The following EP300 variants were observed in gnomAD, a reference collection of about 807,000 sequenced individuals.
EP300 encodes the protein histone acetyltransferase p300.
A neutral mutation model predicts 264.0 loss-of-function variants in EP300; 31 were observed. The ratio of observed to expected loss-of-function variants is 0.12; its 90% CI spans 0.09 to 0.16. The LOEUF (loss-of-function observed/expected upper bound fraction) is 0.16. Among genes scored for constraint, EP300 ranks in the 10% least tolerant of loss-of-function variants. The probability of loss-of-function intolerance (pLI) is 1.00; values close to 1 mark genes in which losing one functional copy is unlikely to be tolerated. For synonymous variants in EP300, 1,340 were observed against 1,045.4 expected, an observed-to-expected ratio of 1.28 and a Z score of -5.44; for missense variants, 2,766 against 3,052.9, an observed-to-expected ratio of 0.91 and a Z score of 2.21.
intron 1 of EP300, among the ~76,000 whole-genome samples, chr22:41,109,774 T>C (rs1277709429): frequency 1.3e-5 from 2 of 150,894 alleles, no homozygotes; most frequent in East Asian, 3.9e-4. Context: ...TTTTTGGAGC[T>C]TCTGAGACCC....
Position 41,126,055 on chromosome 22 carries a change from A to G in EP300, c.906+15A>G, listed in dbSNP as rs1204163212. Reference sequence around the variant, plus strand: ...TGCCCAACATGGTGAGTACTAATCCATTACAGACTTGTTTTCAAACTGGCA... The same window carrying G: ...TGCCCAACATGGTGAGTACTAATCCGTTACAGACTTGTTTTCAAACTGGCA... On this transcript the variant is annotated intron_variant, in intron 3 of 30. Coordinates refer to ENST00000263253, the MANE Select transcript of EP300 (RefSeq NM_001429.4). The G allele has an allele frequency of 6.2e-7, 1 of 1,613,340 alleles. No homozygotes were observed. Among genetic ancestry groups the G allele is most frequent in the South Asian group, 1.1e-5 (1 of 91,056 alleles).
chr22:41,146,947 G>T (rs573709254), intron 11 of EP300, 131 bp downstream of exon 11: 33 of 804,630 alleles, frequency 4.1e-5, no homozygotes, highest in South Asian at 4.0e-4. Flanking sequence ...GGAAGAGGGG[G>T]TGAAGAGCAG....
At chr22:41,140,001 A>C (rs536194291) in intron 8 of EP300, 139 bp from the exon 9 acceptor site, 48 of 681,850 alleles carry the variant, frequency 7.0e-5, no homozygotes, top group Non-Finnish European at 1.2e-4. Flanking sequence ...TCACAAAAAG[A>C]TAATTTCATT....
At chr22:41,167,833 T>G (rs1214317755) in intron 23 of EP300, among the ~76,000 whole-genome samples, 8 of 82,614 alleles carry the variant, frequency 9.7e-5, no homozygotes, top group South Asian at 4.5e-4. Flanking sequence ...TTTGTTTTTT[T>G]TTTTTTTTTT....
rs779923623 is a variant in EP300, at chr22:41,178,158, A to G, written c.6447A>G (p.Gln2149=). 4 of 1,613,990 alleles carry G rather than the reference A, an allele frequency of 2.5e-6. No homozygotes were observed. The highest frequency in any genetic ancestry group is 1.6e-4 in the Middle Eastern group (1 of 6,062). ...GVQRAGLPQQ[Q]PQQQLQPPMG... is the part of the protein sequence containing the mutation. ...AGAGGGCTGGCCTGCCCCAGCAGCA[A>G]CCACAGCAGCAACTCCAGCCACCCA... is the stretch of plus-strand genomic sequence containing the variant. The change falls in exon 31 of 31, where the codon CAA becomes CAG. Residue 2149 remains glutamine (Q), a synonymous_variant. Transcript: ENST00000263253.
In EP300 at chr22:41,149,987, T is replaced by C; in HGVS notation, c.2606T>C (p.Met869Thr). The C allele has an allele frequency of 6.2e-7, 1 of 1,613,816 alleles. No homozygotes were observed. The highest frequency in any genetic ancestry group is 8.5e-7 in the Non-Finnish European group (1 of 1,179,990). The part of the protein sequence containing the change: ...IPAPVPTPPA[M>T]PPGPQSQALH... ...GCCCCTGTTCCTACACCTCCTGCCA[T>C]GCCACCTGGGCCACAGTCCCAGGCT... Residue 869 changes from methionine to threonine, a missense_variant, in exon 14 of 31, where the codon ATG becomes ACG. Met to Thr is a moderately conservative substitution (Grantham distance 81). Coordinates refer to ENST00000263253, the MANE Select transcript of EP300 (RefSeq NM_001429.4).
chr22:41,139,018 C>T (rs1184650996), intron 8 of EP300, among the ~76,000 whole-genome samples: 1 of 152,002 alleles, frequency 6.6e-6, no homozygotes, highest in Non-Finnish European at 1.5e-5. Context: ...GTCGTGATCT[C>T]GGCTGGCTAC....
intron 1 of EP300, among the ~76,000 whole-genome samples, chr22:41,110,306 T>TA (rs2058782713): frequency 8.8e-6 from 1 of 114,110 alleles, no homozygotes; most frequent in Non-Finnish European, 1.8e-5. Flanking sequence ...TTTTTTTTTT[T>TA]TTTTTTTTTT....
intron 29 of EP300, chr22:41,174,596 C>G (rs540200803): frequency 6.6e-6 from 1 of 151,188 alleles, no homozygotes; most frequent in African/African-American, 2.4e-5. Flanking sequence ...TTTTTTCTCT[C>G]TTTAATATCA....
chr22:41,100,155 G>A (rs563557919), intron 1 of EP300, among the ~76,000 whole-genome samples: 1 of 152,258 alleles, frequency 6.6e-6, no homozygotes, highest in South Asian at 2.1e-4. Context: ...GATCTCTTGA[G>A]CCCAGGAGTT....
At chr22:41,154,003 G>GTT (rs1206442596) in intron 16 of EP300, among the ~76,000 whole-genome samples, 2 of 152,128 alleles carry the variant, frequency 1.3e-5, no homozygotes, top group African/African-American at 4.8e-5. Context: ...GCTTCTCAAA[G>GTT]AACTGTTTGA....
intron 16 of EP300, among the ~76,000 whole-genome samples, chr22:41,154,766 A>G (rs1453094439): frequency 6.6e-6 from 1 of 152,172 alleles, no homozygotes; most frequent in Non-Finnish European, 1.5e-5. Context: ...CTGAGGGTGA[A>G]GAGTGTTTTA....
chr22:41,150,696 C>T (rs1001848439), intron 14 of EP300, among the ~76,000 whole-genome samples: 2 of 151,940 alleles, frequency 1.3e-5, no homozygotes, highest in African/African-American at 4.8e-5. Context: ...CAAGACCAGC[C>T]TGGCCAACAT....
chr22:41,130,011 A>G lies in EP300; in HGVS notation c.1282+8A>G. ...ATAAGAGAAATCAACAGCGTAAGTG[A>G]TGAAATCTTTTGAAGGTTTATATGA... On this transcript the variant is annotated splice_region_variant and intron_variant, in intron 5 of 30. Transcript: ENST00000263253. 6.2e-7 allele frequency: 1 copy of G among 1,602,466 alleles called. No individual in the cohort carries two copies. Among genetic ancestry groups the G allele is most frequent in the South Asian group, 1.1e-5 (1 of 90,876 alleles).
intron 29 of EP300, 37 bp from the exon 30 acceptor site, chr22:41,176,210 G>A: frequency 6.2e-7 from 1 of 1,612,756 alleles, no homozygotes; most frequent in Non-Finnish European, 8.5e-7. Context: ...ACAGAGCGAG[G>A]CCCTGTCTCA....
Position 41,179,954 on chromosome 22 carries a change from C to T in EP300, c.*998C>T, listed in dbSNP as rs2059234121. ...ATAAAACTTGAAAATAGCAAAAACC[C>T]TCAACTGTTGTAAATCATGCAATTA... On this transcript the variant is annotated 3_prime_UTR_variant, in exon 31 of 31. Transcript: ENST00000263253. The T allele has an allele frequency of 4.5e-6, 1 of 221,558 alleles. No homozygotes were observed. The highest frequency in any genetic ancestry group is 2.2e-5 in the African/African-American group (1 of 44,788). 13.7% of individuals were successfully genotyped at this position (221,558 alleles called of 1,614,324 possible).
rs899706930 is a variant in EP300, at chr22:41,179,959, C to A, written c.*1003C>A. On this transcript the variant is annotated 3_prime_UTR_variant, in exon 31 of 31. Coordinates refer to ENST00000263253, the MANE Select transcript of EP300 (RefSeq NM_001429.4). The stretch of plus-strand genomic sequence containing the variant: ...ACTTGAAAATAGCAAAAACCCTCAA[C>A]TGTTGTAAATCATGCAATTAAAGTT... The A allele has an allele frequency of 9.1e-6, 2 of 220,130 alleles. No homozygotes were observed. Among genetic ancestry groups the A allele is most frequent in the Non-Finnish European group, 1.8e-5 (2 of 110,920 alleles). 13.6% of individuals were successfully genotyped at this position (220,130 alleles called of 1,614,324 possible).
intron 6 of EP300, among the ~76,000 whole-genome samples, chr22:41,134,637 G>T (rs942614361): frequency 6.6e-6 from 1 of 151,962 alleles, no homozygotes; most frequent in African/African-American, 2.4e-5. Context: ...TCAAGTGATC[G>T]CCTGCCTCGA....
chr22:41,177,868 A>C lies in EP300; in HGVS notation c.6157A>C (p.Asn2053His). 1 of 1,614,058 alleles carries C rather than the reference A, an allele frequency of 6.2e-7. No homozygotes were observed. Residue 2053 changes from asparagine to histidine, a missense_variant, in exon 31 of 31, where the codon AAC becomes CAC. Physicochemically the swap from Asn to His is moderately conservative, Grantham distance 68. Coordinates refer to ENST00000263253, the MANE Select transcript of EP300 (RefSeq NM_001429.4). ...CACTGTGTCTCAACAAGCCTTACAA[A>C]ACCTTTTGCGGACTCTCAGGTCTCC... ...PGTVSQQALQ[N>H]LLRTLRSPSS...
Sources: allele counts gnomAD v4.1 joint callset (sites outside exome capture counted in the v4.1 genomes callset), GRCh38; gene constraint gnomAD v4.1.1; transcripts MANE v1.5; gene names NCBI Gene and HGNC (gene_info 2026-07-23, HGNC 2026-07-21).